The following ROBO2 variants were observed in gnomAD, a reference collection of about 807,000 sequenced individuals.
The protein encoded by ROBO2 is roundabout homolog 2.
Under a neutral mutation model 160.8 loss-of-function variants are expected in ROBO2, and 53 were observed. That is an observed-to-expected ratio of 0.33 (90% CI 0.26 to 0.41). The LOEUF is 0.41. Among genes scored for constraint, ROBO2 ranks in the 10% least tolerant of loss-of-function variants. ROBO2 has a pLI of 1.00. For synonymous variants in ROBO2, 664 were observed against 611.7 expected, an observed-to-expected ratio of 1.09 and a Z score of -1.26; for missense variants, 1,577 against 1,722.4, an observed-to-expected ratio of 0.92 and a Z score of 1.49.
At chr3:76,514,738 C>T (rs1560074536) in intron 2 of ROBO2, among the ~76,000 whole-genome samples, 1 of 152,188 alleles carries the variant, frequency 6.6e-6, no homozygotes, top group Admixed American at 6.5e-5. Context: ...CTCTAGCTAC[C>T]ATATGCACTT....
At chr3:75,954,563 C>G (rs1948661484) in intron 2 of ROBO2, among the ~76,000 whole-genome samples, 1 of 151,832 alleles carries the variant, frequency 6.6e-6, no homozygotes, top group African/African-American at 2.4e-5. Flanking sequence ...GTCCCCACCC[C>G]TAACTCAAAA....
At chr3:76,029,986 T>C (rs2066865440) in intron 2 of ROBO2, among the ~76,000 whole-genome samples, 1 of 152,152 alleles carries the variant, frequency 6.6e-6, no homozygotes, top group Non-Finnish European at 1.5e-5. Context: ...CCACCAACAG[T>C]GTAAAAGTGT....
At chr3:77,635,461 A>C (rs540843744) in intron 24 of ROBO2, among the ~76,000 whole-genome samples, 1 of 152,196 alleles carries the variant, frequency 6.6e-6, no homozygotes, top group Non-Finnish European at 1.5e-5. Flanking sequence ...GTAATTTTTT[A>C]GTCACAAATT....
At chr3:77,044,286 T>C (rs1467730297) in intron 1 of ROBO2, among the ~76,000 whole-genome samples, 1 of 152,130 alleles carries the variant, frequency 6.6e-6, no homozygotes, top group Non-Finnish European at 1.5e-5. Flanking sequence ...ATTGTATAAG[T>C]TGGGATACAT....
At chr3:76,766,237 C>A (rs2061570995) in intron 2 of ROBO2, among the ~76,000 whole-genome samples, 1 of 151,624 alleles carries the variant, frequency 6.6e-6, no homozygotes, top group African/African-American at 2.4e-5. Flanking sequence ...TACACTCCTA[C>A]CTCTGACCCA....
At chr3:76,510,972 G>A (rs926759294) in intron 2 of ROBO2, among the ~76,000 whole-genome samples, 3 of 152,156 alleles carry the variant, frequency 2.0e-5, no homozygotes, top group African/African-American at 4.8e-5. Flanking sequence ...CAGTATTAAA[G>A]TTTTAAAGAT....
intron 2 of ROBO2, among the ~76,000 whole-genome samples, chr3:77,166,153 G>A (rs1453024099): frequency 2.6e-5 from 4 of 152,030 alleles, no homozygotes; most frequent in South Asian, 2.1e-4. Flanking sequence ...AGCTGCTTGC[G>A]TGGCTGAGGC....
intron 2 of ROBO2, among the ~76,000 whole-genome samples, chr3:77,411,552 G>GAA (rs1199281678): frequency 1.3e-5 from 2 of 152,094 alleles, no homozygotes; most frequent in Non-Finnish European, 2.9e-5. Context: ...AAAGAATGAG[G>GAA]AAGTCCTTCA....
intron 2 of ROBO2, among the ~76,000 whole-genome samples, chr3:76,197,792 T>G (rs1006088286): frequency 3.9e-5 from 6 of 152,274 alleles, no homozygotes; most frequent in Non-Finnish European, 8.8e-5. Context: ...CATCTCTAAG[T>G]AATTCTAGAG....
At chr3:76,662,334 T>A (rs73841270) in intron 2 of ROBO2, among the ~76,000 whole-genome samples, 2,116 of 152,178 alleles carry the variant, frequency 0.014, 44 homozygotes, top group African/African-American at 0.048. Flanking sequence ...TTAAAAAAAA[T>A]TTTTTTCATT....
intron 1 of ROBO2, among the ~76,000 whole-genome samples, chr3:75,919,298 G>T (rs1440722804): frequency 6.6e-6 from 1 of 152,136 alleles, no homozygotes; most frequent in Non-Finnish European, 1.5e-5. Context: ...AGATAATCAT[G>T]CAGTTTTTGT....
intron 2 of ROBO2, among the ~76,000 whole-genome samples, chr3:77,472,057 A>G (rs1011119138): frequency 4.6e-5 from 7 of 152,138 alleles, no homozygotes; most frequent in African/African-American, 1.4e-4. Context: ...GGGTGCTCTT[A>G]GTTTAAAGTC....
chr3:77,416,833 A>C (rs2153528145), intron 2 of ROBO2, among the ~76,000 whole-genome samples: 1 of 152,200 alleles, frequency 6.6e-6, no homozygotes, highest in East Asian at 1.9e-4. Context: ...CAGGGCTTTG[A>C]CACGTATTTA....
At chr3:77,157,018 G>A (rs534042633) in intron 2 of ROBO2, among the ~76,000 whole-genome samples, 41 of 152,092 alleles carry the variant, frequency 2.7e-4, no homozygotes, top group Admixed American at 4.6e-4. Context: ...GAAACTCTGG[G>A]ATGGAGCCCA....
chr3:76,324,421 G>A (rs1340377886), intron 2 of ROBO2, among the ~76,000 whole-genome samples: 1 of 152,188 alleles, frequency 6.6e-6, no homozygotes, highest in Non-Finnish European at 1.5e-5. Context: ...CTGATTTAGG[G>A]TGGTTTCTAA....
chr3:76,692,503 G>A (rs1356118604), intron 2 of ROBO2, among the ~76,000 whole-genome samples: 2 of 152,032 alleles, frequency 1.3e-5, no homozygotes, highest in African/African-American at 4.8e-5. Context: ...TTCGTCACAA[G>A]GACCATTTCT....
chr3:76,524,774 G>A (rs114242582), intron 2 of ROBO2, among the ~76,000 whole-genome samples: 3,411 of 118,568 alleles, frequency 0.029, 106 homozygotes, highest in African/African-American at 0.087. Context: ...TTTGAAATAT[G>A]CCAGGCTTTC....
At chr3:76,800,940 T>C (rs1293307790) in intron 2 of ROBO2, among the ~76,000 whole-genome samples, 1 of 152,194 alleles carries the variant, frequency 6.6e-6, no homozygotes, top group Admixed American at 6.5e-5. Flanking sequence ...TGAAGAGATA[T>C]CTGAACTCCC....
At chr3:75,944,786 T>C (rs1193728736) in intron 2 of ROBO2, among the ~76,000 whole-genome samples, 1 of 152,196 alleles carries the variant, frequency 6.6e-6, no homozygotes, top group African/African-American at 2.4e-5. Context: ...TGGGATGCAA[T>C]TGTTTTTCTT....
Sources: gnomAD v4.1 joint callset for allele counts (sites outside exome capture counted in the v4.1 genomes callset) on GRCh38, gnomAD v4.1.1 for gene constraint, MANE v1.5 for transcripts, NCBI Gene and HGNC (gene_info 2026-07-23, HGNC 2026-07-21) for gene names.